The following KCNC2 variants were observed in gnomAD, a reference collection of about 807,000 sequenced individuals.
KCNC2 encodes voltage-gated potassium channel KCNC2.
A neutral mutation model predicts 44.5 loss-of-function variants in KCNC2; 21 were observed. The ratio of observed to expected loss-of-function variants is 0.47; its 90% CI spans 0.33 to 0.68. The LOEUF (loss-of-function observed/expected upper bound fraction) is 0.68, where lower values mean the gene tolerates loss of function less well. Among genes scored for constraint, KCNC2 ranks in the 30% least tolerant of loss-of-function variants. KCNC2 has a pLI of 0.01. For missense variants in KCNC2, 589 were observed against 826.2 expected, an observed-to-expected ratio of 0.71 and a Z score of 3.52; for synonymous variants, 391 against 339.1, an observed-to-expected ratio of 1.15 and a Z score of -1.68.
intron 2 of KCNC2, among the ~76,000 whole-genome samples, chr12:75,086,676 AAAAAAAT>A (rs1413051051): frequency 0.015 from 510 of 33,312 alleles, 2 homozygotes; most frequent in East Asian, 0.04. Flanking sequence ...AAAAAAAAAA[AAAAAAAT>A]ATATATATAT....
chr12:75,118,929 A>G (rs1355261991), intron 2 of KCNC2, among the ~76,000 whole-genome samples: 1 of 152,206 alleles, frequency 6.6e-6, no homozygotes, highest in Non-Finnish European at 1.5e-5. Flanking sequence ...AGGCAGAGGA[A>G]ACTACACTGG....
chr12:75,063,510 CAT>C (rs1882540763), intron 2 of KCNC2, among the ~76,000 whole-genome samples: 3 of 152,050 alleles, frequency 2.0e-5, no homozygotes, highest in African/African-American at 7.2e-5. Context: ...CATTATTCTA[CAT>C]ATAAAAAAGG....
At chr12:75,123,984 A>G (rs1158679235) in intron 2 of KCNC2, 1 of 152,196 alleles carries the variant, frequency 6.6e-6, no homozygotes, top group African/African-American at 2.4e-5. Flanking sequence ...ATAAAATTTT[A>G]CCTAAAATAA....
chr12:75,135,920 A>G (rs768860312), intron 2 of KCNC2, among the ~76,000 whole-genome samples: 18 of 152,060 alleles, frequency 1.2e-4, no homozygotes, highest in Admixed American at 1.1e-3. Context: ...CAAGTCTGTA[A>G]TCTACTGAGG....
At chr12:75,111,626 G>C (rs772130562) in intron 2 of KCNC2, among the ~76,000 whole-genome samples, 1 of 151,688 alleles carries the variant, frequency 6.6e-6, no homozygotes, top group African/African-American at 2.4e-5. Context: ...ATGAGTTTCT[G>C]CTGAAAATTG....
intron 2 of KCNC2, among the ~76,000 whole-genome samples, chr12:75,204,735 C>T (rs777673893): frequency 2.0e-5 from 3 of 152,018 alleles, no homozygotes; most frequent in African/African-American, 4.8e-5. Flanking sequence ...AGTCAGATAA[C>T]GTTGTCAGGT....
intron 2 of KCNC2, among the ~76,000 whole-genome samples, chr12:75,174,871 AT>A (rs1472042009): frequency 1.3e-5 from 2 of 151,988 alleles, no homozygotes; most frequent in African/African-American, 4.8e-5. Context: ...CTGAGCAAAC[AT>A]CTATTTATCT....
intron 2 of KCNC2, among the ~76,000 whole-genome samples, chr12:75,077,913 A>T (rs1408040849): frequency 6.6e-6 from 1 of 152,108 alleles, no homozygotes; most frequent in Non-Finnish European, 1.5e-5. Context: ...TGGTATTGAA[A>T]AAAAACCCTA....
intron 2 of KCNC2, among the ~76,000 whole-genome samples, chr12:75,070,595 C>T (rs1438282869): frequency 6.6e-6 from 1 of 151,980 alleles, no homozygotes; most frequent in South Asian, 2.1e-4. Flanking sequence ...ATTTCATCTC[C>T]ATTCTTAGGT....
rs1592759839 is a variant in KCNC2 at position 75,050,980 on chromosome 12, T to C, written c.1025A>G (p.Asp342Gly). The C allele has an allele frequency of 6.2e-7, 1 of 1,613,802 alleles. No homozygotes were observed. Among genetic ancestry groups the C allele is most frequent in the Non-Finnish European group, 8.5e-7 (1 of 1,179,876 alleles). The stretch of plus-strand genomic sequence containing the variant: ...TACCACCCTGAGGAAGCCAAGCACA[T>C]CTTTAGCAGCTTTGGATGACAGCCC... Reference protein sequence around the residue: ...LSGLSSKAAKDVLGFLRVVRF... With the variant: ...LSGLSSKAAKGVLGFLRVVRF... Residue 342 changes from aspartate to glycine, a missense_variant, in exon 3 of 5, where the codon GAT (aspartate) becomes GGT (glycine). Physicochemically the swap from Asp to Gly is moderately conservative, Grantham distance 94 (BLOSUM62 -1). Transcript: ENST00000549446.
rs1188622758 is a variant in KCNC2 at position 75,048,471 on chromosome 12, C to T, written c.1616-154G>A. 2.6e-5 allele frequency among the ~76,000 whole-genome samples: 4 copies of T among 151,918 alleles called. No individual in the cohort carries two copies. The East Asian group carries it at 5.8e-4, about 22-fold the overall frequency. ...GAAAAAGAATTTTTATCACTCTTCA[C>T]GAAAAATTACATGGAGCAAAATGGA... On this transcript the variant is annotated intron_variant, in intron 3 of 4. Coordinates refer to ENST00000549446, the MANE Select transcript of KCNC2 (RefSeq NM_139137.4).
In KCNC2 at chr12:75,207,240, TG is replaced by T; in HGVS notation, c.687+56del. 6.7e-7 allele frequency: 1 copy of T among 1,501,154 alleles called. No individual in the cohort carries two copies. The highest frequency in any genetic ancestry group is 8.9e-7 in the Non-Finnish European group (1 of 1,127,630). The allele number at this position is 1,501,154 out of a possible 1,614,324, so 93.0% of individuals were successfully genotyped here. On this transcript the variant is annotated intron_variant, in intron 2 of 4. Transcript: ENST00000549446. The surrounding 1 kb of genome is among the most constrained non-coding windows in gnomAD (Gnocchi z 4.1). ...CCTGGGGTGGAAAAGAACAGAAAGT[TG>T]GGGAGGGAGTTGGGAGAAGTTGAAG...
intron 2 of KCNC2, among the ~76,000 whole-genome samples, chr12:75,085,726 T>C (rs546286468): frequency 2.6e-4 from 39 of 152,190 alleles, no homozygotes; most frequent in Non-Finnish European, 4.7e-4. Flanking sequence ...CCTCTACTTA[T>C]AGGCCTTTAC....
chr12:75,072,456 T>A (rs1238906348), intron 2 of KCNC2, among the ~76,000 whole-genome samples: 1 of 152,178 alleles, frequency 6.6e-6, no homozygotes, highest in Admixed American at 6.5e-5. Context: ...ACTTTAGAAA[T>A]ATGTCTCAGA....
chr12:75,167,051 AG>A (rs1891504769), intron 2 of KCNC2, among the ~76,000 whole-genome samples: 1 of 151,294 alleles, frequency 6.6e-6, no homozygotes. Context: ...ACTTACTAAA[AG>A]AAAAGAAAGG....
intron 2 of KCNC2, among the ~76,000 whole-genome samples, chr12:75,080,105 T>C (rs1036690574): frequency 6.6e-6 from 1 of 152,156 alleles, no homozygotes; most frequent in Admixed American, 6.6e-5. Context: ...CTTCAAAATA[T>C]ATTGTCTTTT....
chr12:75,089,918 T>A (rs1332900570), intron 2 of KCNC2, among the ~76,000 whole-genome samples: 3 of 151,874 alleles, frequency 2.0e-5, no homozygotes, highest in Non-Finnish European at 2.9e-5. Flanking sequence ...ATTTCCATCA[T>A]TCCAGAAAGT....
At chr12:75,132,624 A>G (rs939545374) in intron 2 of KCNC2, among the ~76,000 whole-genome samples, 3 of 152,188 alleles carry the variant, frequency 2.0e-5, no homozygotes, top group Admixed American at 6.6e-5. Context: ...GGTTGTAGTC[A>G]TAGCTCCTTC....
chr12:75,048,315 A>T lies in KCNC2; in HGVS notation c.1618T>A (p.Leu540Ile). Reference protein sequence around the residue: ...NRLLEHNRSVLSGDDSTGSEP... With the variant: ...NRLLEHNRSVISGDDSTGSEP... ...CTTCCTGTACTGTCGTCACCTGATA[A>T]CACTGGTCACAGCACCATGCCCATT... Residue 540 changes from leucine to isoleucine, a missense_variant and splice_region_variant, in exon 4 of 5, where the codon TTA (leucine) becomes ATA (isoleucine). Leu to Ile is a conservative substitution (Grantham distance 5, BLOSUM62 2). Around this residue, in one of 7 missense-constraint regions of KCNC2, gnomAD observed 171 missense variants for 182.4 expected, o/e 0.94. Coordinates refer to ENST00000549446, the MANE Select transcript of KCNC2 (RefSeq NM_139137.4). 1 of 1,609,620 alleles carries T rather than the reference A, an allele frequency of 6.2e-7. No homozygotes were observed. The highest frequency in any genetic ancestry group is 1.1e-5 in the South Asian group (1 of 90,380).
Sources: gnomAD v4.1 joint callset for allele counts (sites outside exome capture counted in the v4.1 genomes callset) on GRCh38, gnomAD v4.1.1 for gene constraint, gnomAD v4.1.1 regional missense constraint, Gnocchi (gnomAD v3.1) non-coding constraint, MANE v1.5 for transcripts, NCBI Gene and HGNC (gene_info 2026-07-23, HGNC 2026-07-21) for gene names.